NFYC: variants seen among roughly 807,000 people sequenced by gnomAD.
NFYC encodes nuclear transcription factor Y subunit gamma, also known as CAAT box DNA-binding protein subunit C.
Under a neutral mutation model 53.1 loss-of-function variants are expected in NFYC, and 25 were observed. That is an observed-to-expected ratio of 0.47 (90% CI 0.34 to 0.66). The LOEUF is 0.66. NFYC is among the 30% of genes least tolerant of loss of function. NFYC has a pLI of 0.01. For missense variants in NFYC, 260 were observed against 422.7 expected (o/e 0.62, Z 3.38); for synonymous variants, 145 against 152.6 (o/e 0.95, Z 0.37).
chr1:40,710,490 A>G (rs1413227233), intron 1 of NFYC, among the ~76,000 whole-genome samples: 1 of 152,244 alleles, frequency 6.6e-6, no homozygotes, highest in Admixed American at 6.5e-5. Flanking sequence ...GTTCTCATGA[A>G]CAGTGAAATC....
At chr1:40,702,446 G>A (rs1390748637) in intron 1 of NFYC, among the ~76,000 whole-genome samples, 3 of 150,776 alleles carry the variant, frequency 2.0e-5, no homozygotes, top group Non-Finnish European at 1.5e-5. Context: ...AGGTTTAAGC[G>A]ATTCTCCTGC....
chr1:40,693,003 T>C (rs1473416089), intron 1 of NFYC, among the ~76,000 whole-genome samples: 1 of 152,140 alleles, frequency 6.6e-6, no homozygotes, highest in African/African-American at 2.4e-5. Flanking sequence ...TATTAGGTAG[T>C]TGGTAGTTAT....
chr1:40,711,490 T>G (rs901757354), intron 1 of NFYC, among the ~76,000 whole-genome samples: 1 of 152,158 alleles, frequency 6.6e-6, no homozygotes, highest in Non-Finnish European at 1.5e-5. Flanking sequence ...TGTGGTACAG[T>G]ATGAAGTAAA....
At chr1:40,724,740 A>G (rs999449539) in intron 1 of NFYC, among the ~76,000 whole-genome samples, 5 of 152,192 alleles carry the variant, frequency 3.3e-5, no homozygotes, top group Non-Finnish European at 5.9e-5. Flanking sequence ...GTTGTGCTAC[A>G]ACTATATTAT....
intron 2 of NFYC, among the ~76,000 whole-genome samples, chr1:40,742,680 T>C (rs1249992514): frequency 6.6e-6 from 1 of 152,236 alleles, no homozygotes; most frequent in Non-Finnish European, 1.5e-5. Context: ...ATGTCTGGCA[T>C]GTAGTAGGTG....
chr1:40,703,355 G>A (rs1013141968), intron 1 of NFYC, among the ~76,000 whole-genome samples: 1 of 151,502 alleles, frequency 6.6e-6, no homozygotes, highest in African/African-American at 2.4e-5. Context: ...AGCTGGGTGT[G>A]GTAGCGCATG....
intron 1 of NFYC, among the ~76,000 whole-genome samples, chr1:40,714,404 T>A (rs1362117430): frequency 1.3e-5 from 2 of 152,206 alleles, no homozygotes; most frequent in African/African-American, 4.8e-5. Context: ...TTTATATTCT[T>A]TGATAGACCA....
intron 7 of NFYC, chr1:40,763,446 A>G (rs1384634515): frequency 2.2e-6 from 1 of 453,650 alleles, no homozygotes; most frequent in Admixed American, 2.4e-5. Flanking sequence ...TCCCAGGTTC[A>G]AGCGATTCTC....
At chr1:40,728,838 A>T (rs988052487) in intron 1 of NFYC, among the ~76,000 whole-genome samples, 1 of 151,958 alleles carries the variant, frequency 6.6e-6, no homozygotes, top group African/African-American at 2.4e-5. Flanking sequence ...GGGTTTCACT[A>T]TGTTGGCCAG....
chr1:40,753,363 C>A, intron 5 of NFYC, 117 bp downstream of exon 5: 1 of 661,700 alleles, frequency 1.5e-6, no homozygotes, highest in Non-Finnish European at 2.6e-6. Flanking sequence ...CTTCTCGTTT[C>A]TAGACCAGAT....
intron 1 of NFYC, chr1:40,730,705 G>C (rs775559253): frequency 2.4e-5 from 11 of 456,096 alleles, no homozygotes; most frequent in Non-Finnish European, 3.2e-5. Context: ...AGGGCTGCAA[G>C]TCGGTTTGGG....
intron 1 of NFYC, among the ~76,000 whole-genome samples, chr1:40,701,239 C>T (rs1037224458): frequency 1.3e-5 from 2 of 152,102 alleles, no homozygotes; most frequent in Admixed American, 1.3e-4. Context: ...CCTCAGCCTC[C>T]TGAGTAGCTG....
At chr1:40,757,615 T>C (rs1274648945) in intron 5 of NFYC, among the ~76,000 whole-genome samples, 1 of 152,200 alleles carries the variant, frequency 6.6e-6, no homozygotes, top group Non-Finnish European at 1.5e-5. Flanking sequence ...GATCCTGAAA[T>C]TTCAGCTCAG....
rs1327420799 is a variant in NFYC, at chr1:40,714,894, C to CA, written c.-9+23028dup. Among the ~76,000 whole-genome samples the CA allele has an allele frequency of 5.3e-5, 8 of 151,710 alleles. No individual in the cohort carries two copies. The East Asian group carries it at 1.2e-3, about 22-fold the overall frequency. On this transcript the variant is annotated intron_variant, in intron 1 of 9. Transcript: ENST00000447388. ...AGGAGATCAAGACCATCCTGGCTAA[C>CA]ATGGTTAAACCTCATCTCTACTAAA... is the stretch of plus-strand genomic sequence containing the variant.
At chr1:40,717,838 G>A (rs1281058216) in intron 1 of NFYC, among the ~76,000 whole-genome samples, 4 of 152,200 alleles carry the variant, frequency 2.6e-5, no homozygotes, top group Non-Finnish European at 5.9e-5. Context: ...GAATTTGGCA[G>A]CATTTGCTGA....
intron 1 of NFYC, among the ~76,000 whole-genome samples, chr1:40,710,176 A>G (rs150898478): frequency 6.6e-6 from 1 of 152,380 alleles, no homozygotes; most frequent in African/African-American, 2.4e-5. Context: ...TAATGTAGTA[A>G]CAATCTTTGT....
intron 1 of NFYC, among the ~76,000 whole-genome samples, chr1:40,704,156 C>G (rs1418499651): frequency 6.6e-6 from 1 of 151,960 alleles, no homozygotes; most frequent in Admixed American, 6.6e-5. Context: ...ACTGCAACCT[C>G]CACCTCCCAG....
intron 1 of NFYC, among the ~76,000 whole-genome samples, chr1:40,718,332 T>G (rs1456303714): frequency 6.6e-6 from 1 of 152,218 alleles, no homozygotes; most frequent in Non-Finnish European, 1.5e-5. Flanking sequence ...TGACAAAGGC[T>G]TTTGCTCTTT....
chr1:40,702,138 T>C (rs1465041961), intron 1 of NFYC, among the ~76,000 whole-genome samples: 1 of 152,194 alleles, frequency 6.6e-6, no homozygotes, highest in Non-Finnish European at 1.5e-5. Flanking sequence ...TTGGTCTTAA[T>C]TTATGCTTTG....
Sources: allele counts gnomAD v4.1 joint callset (sites outside exome capture counted in the v4.1 genomes callset), GRCh38; gene constraint gnomAD v4.1.1; transcripts MANE v1.5; gene names NCBI Gene and HGNC (gene_info 2026-07-23, HGNC 2026-07-21).